The following PEX13 variants were observed in gnomAD, a reference collection of about 807,000 sequenced individuals.
PEX13 encodes the protein peroxisomal biogenesis factor 13, also known as peroxisome biogenesis factor 13.
Under a neutral mutation model 34.5 loss-of-function variants are expected in PEX13, and 28 were observed. The ratio of observed to expected loss-of-function variants is 0.81; its 90% CI spans 0.60 to 1.11. The LOEUF (loss-of-function observed/expected upper bound fraction) is 1.11. Among genes scored for constraint, PEX13 ranks in the 50% most tolerant of loss-of-function variants. The probability of loss-of-function intolerance (pLI) is 0.00; values close to 1 mark genes in which losing one functional copy is unlikely to be tolerated. For missense variants in PEX13, 550 were observed against 491.0 expected (o/e 1.12, Z -1.13); for synonymous variants, 177 against 175.1 (o/e 1.01, Z -0.09).
intron 2 of PEX13, among the ~76,000 whole-genome samples, chr2:61,040,467 C>T (rs552971407): frequency 1.3e-5 from 2 of 151,942 alleles, no homozygotes; most frequent in Non-Finnish European, 2.9e-5. Context: ...ACCATCATTC[C>T]CAGCAAACTA....
At chr2:61,021,765 G>T (rs62150974) in intron 1 of PEX13, among the ~76,000 whole-genome samples, 1 of 152,202 alleles carries the variant, frequency 6.6e-6, no homozygotes, top group Non-Finnish European at 1.5e-5. Context: ...ACACCTCCCA[G>T]TAGGGGCTGA....
chr2:61,031,843 A>G lies in PEX13; in HGVS notation c.517A>G (p.Ile173Val). The change falls in exon 2 of 4, where the codon ATA (isoleucine) becomes GTA (valine). Residue 173 changes from isoleucine (I) to valine (V), a missense_variant. By Grantham distance (29) the Ile-to-Val change is conservative. Transcript: ENST00000295030. ...AGCAAATCACTTTTCCCGATTGAAA[A>G]TACACTTTACAAAAGTGTTTTCAGC... ...DVANHFSRLK[I>V]HFTKVFSAFA... 3 of 1,613,488 alleles carry G rather than the reference A, an allele frequency of 1.9e-6. No homozygotes were observed. The South Asian group carries it at 3.3e-5, about 18-fold the overall frequency.
chr2:61,023,581 A>G (rs974623952), intron 1 of PEX13, among the ~76,000 whole-genome samples: 3 of 152,112 alleles, frequency 2.0e-5, no homozygotes, highest in Non-Finnish European at 4.4e-5. Context: ...TCTTCTGTCA[A>G]GCATTATATC....
chr2:61,025,488 A>G (rs1175322907), intron 1 of PEX13, among the ~76,000 whole-genome samples: 1 of 152,082 alleles, frequency 6.6e-6, no homozygotes, highest in Admixed American at 6.6e-5. Flanking sequence ...CCACCTGAGT[A>G]GCTGGGATTA....
rs1680451211 is a variant in PEX13, at chr2:61,031,609, C to T, written c.283C>T (p.Pro95Ser). Reference sequence around the variant, plus strand: ...AAATTCATTTTATGGAGGCTATAGTCCTTATAGTTATGGATATAATGGGCT... The same window carrying T: ...AAATTCATTTTATGGAGGCTATAGTTCTTATAGTTATGGATATAATGGGCT... ...YGNSFYGGYS[P>S]YSYGYNGLGY... The change falls in exon 2 of 4, where the codon CCT (proline) becomes TCT (serine). Residue 95 changes from proline (P) to serine (S), a missense_variant. By Grantham distance (74) the Pro-to-Ser change is moderately conservative (BLOSUM62 -1). Coordinates refer to ENST00000295030, the MANE Select transcript of PEX13 (RefSeq NM_002618.4). 6.2e-7 allele frequency: 1 copy of T among 1,614,080 alleles called. No individual in the cohort carries two copies. The highest frequency in any genetic ancestry group is 8.5e-7 in the Non-Finnish European group (1 of 1,180,004).
chr2:61,037,796 C>A (rs1167312621), intron 2 of PEX13, among the ~76,000 whole-genome samples: 1 of 152,090 alleles, frequency 6.6e-6, no homozygotes, highest in African/African-American at 2.4e-5. Context: ...ACATAAAAAA[C>A]CCTTCAAAAA....
At chr2:61,023,402 G>GACACAC (rs70959888) in intron 1 of PEX13, among the ~76,000 whole-genome samples, 180 of 146,780 alleles carry the variant, frequency 1.2e-3, no homozygotes, top group African/African-American at 2.8e-3. Flanking sequence ...GGAATATACA[G>GACACAC]ACACACACAC....
At chr2:61,025,510 C>T (rs1397151442) in intron 1 of PEX13, among the ~76,000 whole-genome samples, 2 of 152,054 alleles carry the variant, frequency 1.3e-5, no homozygotes, top group Non-Finnish European at 2.9e-5. Flanking sequence ...AGGCATTCGC[C>T]ACCACACCTG....
chr2:61,031,336 G>C (rs1680445418), intron 1 of PEX13, 83 bp from the exon 2 acceptor site: 2 of 952,400 alleles, frequency 2.1e-6, no homozygotes, highest in Non-Finnish European at 3.3e-6. Flanking sequence ...ATAGCACCAG[G>C]TATATAGGAG....
intron 1 of PEX13, among the ~76,000 whole-genome samples, chr2:61,025,775 C>G (rs1680343934): frequency 6.6e-6 from 1 of 152,184 alleles, no homozygotes; most frequent in Non-Finnish European, 1.5e-5. Flanking sequence ...TGTTAGGCCA[C>G]TAACAATCTA....
chr2:61,041,813 A>C (rs1350354854), intron 2 of PEX13, among the ~76,000 whole-genome samples: 5 of 152,206 alleles, frequency 3.3e-5, no homozygotes, highest in African/African-American at 1.2e-4. Context: ...AGCAGTTATA[A>C]ATAAGGGAAA....
In PEX13 at chr2:61,032,090, C is replaced by T; in HGVS notation, c.764C>T (p.Ser255Phe). 6.2e-7 allele frequency: 1 copy of T among 1,613,046 alleles called. No individual in the cohort carries two copies. The highest frequency in any genetic ancestry group is 8.5e-7 in the Non-Finnish European group (1 of 1,179,138). The change falls in exon 2 of 4, where the codon TCT (serine) becomes TTT (phenylalanine). Residue 255 changes from serine (S) to phenylalanine (F), a missense_variant. Coordinates refer to ENST00000295030, the MANE Select transcript of PEX13 (RefSeq NM_002618.4). ...GGPYLIWKLL[S>F]THSDEVTDSI... ...CCTTACCTCATTTGGAAACTATTGT[C>T]TACTCACAGTGATGAAGTAACAGGT...
At chr2:61,038,933 A>T (rs1045310981) in intron 2 of PEX13, among the ~76,000 whole-genome samples, 1 of 152,224 alleles carries the variant, frequency 6.6e-6, no homozygotes, top group East Asian at 1.9e-4. Flanking sequence ...TCAGTGTGCA[A>T]AAATCACAAG....
intron 1 of PEX13, among the ~76,000 whole-genome samples, chr2:61,027,904 G>GA (rs575840498): frequency 3.2e-4 from 48 of 149,884 alleles, no homozygotes; most frequent in East Asian, 1.4e-3. Context: ...TCCAATAAAA[G>GA]AAAAAAAAAT....
At chr2:61,046,750 G>A (rs1186338673) in intron 3 of PEX13, among the ~76,000 whole-genome samples, 1 of 152,090 alleles carries the variant, frequency 6.6e-6, no homozygotes, top group African/African-American at 2.4e-5. Flanking sequence ...GAGACCTTGT[G>A]CTTTTAACAA....
intron 1 of PEX13, among the ~76,000 whole-genome samples, chr2:61,023,656 A>C (rs1045403369): frequency 6.6e-6 from 1 of 150,612 alleles, no homozygotes; most frequent in African/African-American, 2.4e-5. Flanking sequence ...TAAGACATTT[A>C]TTGTTTAGTT....
rs371789976 is a variant in PEX13 at position 61,048,716 on chromosome 2, G to A, written c.1158G>A (p.Lys386=). Residue 386 remains lysine (K), a synonymous_variant, in exon 4 of 4, where the codon AAG becomes AAA. Coordinates refer to ENST00000295030, the MANE Select transcript of PEX13 (RefSeq NM_002618.4). ...AATCTGTTTTTGTTGAAACTAATAA[G>A]GTTCCAGTTGCACCTGATTCCATTG... ...AFESVFVETN[K]VPVAPDSIGK... The A allele has an allele frequency of 1.1e-5, 17 of 1,613,862 alleles. No homozygotes were observed. In the Admixed American group the frequency reaches 1.2e-4, roughly 11 times the overall value.
At chr2:61,023,748 T>TC (rs1680305146) in intron 1 of PEX13, among the ~76,000 whole-genome samples, 1 of 150,920 alleles carries the variant, frequency 6.6e-6, no homozygotes, top group Non-Finnish European at 1.5e-5. Context: ...TTTTTTTTTT[T>TC]GTCAGCTCTC....
At chr2:61,022,503 T>A (rs890493380) in intron 1 of PEX13, among the ~76,000 whole-genome samples, 2 of 152,278 alleles carry the variant, frequency 1.3e-5, no homozygotes, top group Admixed American at 1.3e-4. Flanking sequence ...ATCAACCTTC[T>A]ATTGTTGAAC....
Sources: allele counts gnomAD v4.1 joint callset (sites outside exome capture counted in the v4.1 genomes callset), GRCh38; gene constraint gnomAD v4.1.1; transcripts MANE v1.5; gene names NCBI Gene and HGNC (gene_info 2026-07-23, HGNC 2026-07-21).